Variants in SYNDIG1 observed in about 807,000 individuals in gnomAD.
SYNDIG1 encodes the protein synapse differentiation-inducing gene protein 1.
In SYNDIG1, 9 loss-of-function variants were observed where a neutral mutation model predicts 19.4. The observed-to-expected ratio is 0.46, with a 90% CI of 0.28 to 0.81. SYNDIG1 has a LOEUF of 0.81. Among genes scored for constraint, SYNDIG1 ranks in the 30% least tolerant of loss-of-function variants. The probability of loss-of-function intolerance (pLI) is 0.12; values close to 1 mark genes in which losing one functional copy is unlikely to be tolerated. For synonymous variants in SYNDIG1, 141 were observed against 145.9 expected, an observed-to-expected ratio of 0.97 and a Z score of 0.24; for missense variants, 311 against 343.3, an observed-to-expected ratio of 0.91 and a Z score of 0.74.
intron 2 of SYNDIG1, among the ~76,000 whole-genome samples, chr20:24,547,203 C>G (rs771264842): frequency 6.6e-6 from 1 of 152,226 alleles, no homozygotes; most frequent in Non-Finnish European, 1.5e-5. Flanking sequence ...TGCTGGAGCT[C>G]CTGGGCACTG....
chr20:24,636,707 G>A (rs7261611), intron 3 of SYNDIG1, among the ~76,000 whole-genome samples: 1,912 of 152,254 alleles, frequency 0.013, 24 homozygotes, highest in Middle Eastern at 0.041. Context: ...ACAGCTGCTG[G>A]CATTCACCCA....
chr20:24,515,658 A>T (rs1317846339), intron 1 of SYNDIG1, among the ~76,000 whole-genome samples: 1 of 152,102 alleles, frequency 6.6e-6, no homozygotes, highest in African/African-American at 2.4e-5. Context: ...TTCAAGGAGA[A>T]CTACAAACCA....
intron 3 of SYNDIG1, among the ~76,000 whole-genome samples, chr20:24,628,495 G>T (rs564419145): frequency 6.6e-6 from 1 of 152,340 alleles, no homozygotes; most frequent in African/African-American, 2.4e-5. Context: ...AGTGAAGAAG[G>T]TCACTATTAC....
At chr20:24,487,947 G>A (rs996835572) in intron 1 of SYNDIG1, among the ~76,000 whole-genome samples, 3 of 152,142 alleles carry the variant, frequency 2.0e-5, no homozygotes, top group Non-Finnish European at 2.9e-5. Context: ...GTAGTGTGCC[G>A]ATCTACTCCA....
chr20:24,502,876 G>A (rs1445956283), intron 1 of SYNDIG1, among the ~76,000 whole-genome samples: 2 of 152,302 alleles, frequency 1.3e-5, no homozygotes, highest in East Asian at 1.9e-4. Context: ...TGACGTGTCT[G>A]GAAAGCAGAG....
rs2146940165 is a variant in SYNDIG1 at position 24,570,908 on chromosome 20, A to T, written c.481-13948A>T. 2.0e-5 allele frequency among the ~76,000 whole-genome samples: 3 copies of T among 152,364 alleles called. No individual in the cohort carries two copies. The East Asian group carries it at 5.8e-4, about 29-fold the overall frequency. On this transcript the variant is annotated intron_variant, in intron 2 of 3. Coordinates refer to ENST00000376862, the MANE Select transcript of SYNDIG1 (RefSeq NM_024893.3). ...TCTTCATTTTTGGATGAATGGATTA[A>T]ACACATCGTGTTACTTATTATGGAC...
chr20:24,530,880 C>G (rs1786860723), intron 1 of SYNDIG1, among the ~76,000 whole-genome samples: 1 of 151,300 alleles, frequency 6.6e-6, no homozygotes, highest in African/African-American at 2.4e-5. Flanking sequence ...GCAATCTCTG[C>G]TCACTGCAAC....
At chr20:24,590,095 G>A (rs1485389993) in intron 3 of SYNDIG1, among the ~76,000 whole-genome samples, 3 of 152,236 alleles carry the variant, frequency 2.0e-5, no homozygotes, top group African/African-American at 4.8e-5. Flanking sequence ...GATGGACATG[G>A]GGAGCGTGGA....
chr20:24,485,349 T>C (rs377005844), intron 1 of SYNDIG1, among the ~76,000 whole-genome samples: 89 of 152,322 alleles, frequency 5.8e-4, no homozygotes, highest in African/African-American at 2.1e-3. Context: ...ATCTGGGACA[T>C]AGATTGATAG....
chr20:24,551,978 G>A (rs976834489), intron 2 of SYNDIG1, among the ~76,000 whole-genome samples: 4 of 152,296 alleles, frequency 2.6e-5, no homozygotes, highest in South Asian at 2.1e-4. Flanking sequence ...ATACAGATTC[G>A]CAAGGTCGTG....
chr20:24,531,631 G>GGA (rs1555792794), intron 1 of SYNDIG1, among the ~76,000 whole-genome samples: 4 of 150,118 alleles, frequency 2.7e-5, no homozygotes, highest in Admixed American at 6.6e-5. Flanking sequence ...AGACAATTTT[G>GGA]AAAAAAAAAA....
intron 1 of SYNDIG1, among the ~76,000 whole-genome samples, chr20:24,539,449 G>A (rs1178266009): frequency 6.6e-6 from 1 of 152,074 alleles, no homozygotes; most frequent in East Asian, 1.9e-4. Context: ...TATTCACTTG[G>A]TCTATATGTG....
chr20:24,640,333 GAA>G (rs1443850202), intron 3 of SYNDIG1, among the ~76,000 whole-genome samples: 1 of 146,858 alleles, frequency 6.8e-6, no homozygotes, highest in Non-Finnish European at 1.5e-5. Context: ...AAGAAAGAGA[GAA>G]AGAGAGAGAC....
intron 2 of SYNDIG1, among the ~76,000 whole-genome samples, chr20:24,567,482 A>G (rs2058067864): frequency 1.3e-5 from 2 of 152,140 alleles, no homozygotes; most frequent in South Asian, 4.1e-4. Context: ...CCAGGATGGT[A>G]AGCCACTCTC....
At chr20:24,516,559 A>G (rs1427280044) in intron 1 of SYNDIG1, among the ~76,000 whole-genome samples, 2 of 152,248 alleles carry the variant, frequency 1.3e-5, no homozygotes, top group African/African-American at 2.4e-5. Flanking sequence ...CAACAGACAC[A>G]TGAAAAACTG....
chr20:24,509,051 A>G (rs919161507), intron 1 of SYNDIG1, among the ~76,000 whole-genome samples: 1 of 152,224 alleles, frequency 6.6e-6, no homozygotes, highest in Admixed American at 6.5e-5. Flanking sequence ...ACCTCCCTGC[A>G]ATGAGCATTG....
intron 1 of SYNDIG1, among the ~76,000 whole-genome samples, chr20:24,518,269 G>A (rs1483758090): frequency 1.3e-5 from 2 of 152,012 alleles, no homozygotes; most frequent in Non-Finnish European, 2.9e-5. Flanking sequence ...TAATATTCTC[G>A]GGAGCAAGCA....
chr20:24,651,182 GCCAA>G (rs1270166320), intron 3 of SYNDIG1, among the ~76,000 whole-genome samples: 3 of 152,010 alleles, frequency 2.0e-5, no homozygotes, highest in African/African-American at 7.2e-5. Flanking sequence ...TACTCTTAAG[GCCAA>G]CACTCTTGAA....
At chr20:24,591,225 A>C (rs2058506462) in intron 3 of SYNDIG1, among the ~76,000 whole-genome samples, 1 of 151,492 alleles carries the variant, frequency 6.6e-6, no homozygotes, top group South Asian at 2.1e-4. Context: ...CCATGTATAC[A>C]AAAATTTTAA....
Sources: allele counts gnomAD v4.1 joint callset (sites outside exome capture counted in the v4.1 genomes callset), GRCh38; gene constraint gnomAD v4.1.1; transcripts MANE v1.5; gene names NCBI Gene and HGNC (gene_info 2026-07-23, HGNC 2026-07-21).